GALNTL6: variants seen among roughly 807,000 people sequenced by gnomAD.
GALNTL6 encodes polypeptide N-acetylgalactosaminyltransferase-like 6.
GALNTL6 carries 46 observed loss-of-function variants against 73.7 expected under a neutral mutation model. That is an observed-to-expected ratio of 0.62 (90% CI 0.49 to 0.80). The LOEUF (loss-of-function observed/expected upper bound fraction) is 0.80. GALNTL6 is among the 30% of genes least tolerant of loss of function. The pLI is 0.00. For synonymous variants in GALNTL6, 259 were observed against 263.7 expected, an observed-to-expected ratio of 0.98 and a Z score of 0.17; for missense variants, 604 against 755.0, an observed-to-expected ratio of 0.80 and a Z score of 2.34.
chr4:172,813,765 G>T (rs751125414), intron 7 of GALNTL6, 42 bp downstream of exon 7: 2 of 1,489,820 alleles, frequency 1.3e-6, no homozygotes, highest in East Asian at 2.3e-5. Flanking sequence ...GTGAGGGCAG[G>T]TAACTCATTG....
At chr4:172,140,911 T>A (rs1399244157) in intron 2 of GALNTL6, among the ~76,000 whole-genome samples, 1 of 152,012 alleles carries the variant, frequency 6.6e-6, no homozygotes, top group Non-Finnish European at 1.5e-5. Context: ...GTATGAATAT[T>A]CTATGTCATT....
At chr4:172,828,000 G>A (rs568013787) in intron 7 of GALNTL6, among the ~76,000 whole-genome samples, 96 of 151,972 alleles carry the variant, frequency 6.3e-4, no homozygotes, top group African/African-American at 2.3e-3. Flanking sequence ...GACCAGGCAT[G>A]GTGGCTCACG....
At chr4:172,336,275 G>GTTTTTTTTTTT (rs200566896) in intron 4 of GALNTL6, among the ~76,000 whole-genome samples, 9 of 126,036 alleles carry the variant, frequency 7.1e-5, no homozygotes, top group African/African-American at 2.4e-4. Context: ...GTTTTGTTTT[G>GTTTTTTTTTTT]TTTTTTTTTT....
chr4:172,587,018 A>G (rs1030677851), intron 5 of GALNTL6, among the ~76,000 whole-genome samples: 1 of 152,202 alleles, frequency 6.6e-6, no homozygotes, highest in African/African-American at 2.4e-5. Flanking sequence ...CTACAAGGTT[A>G]TTGCTTACAA....
chr4:172,786,184 G>T (rs553556033), intron 5 of GALNTL6, among the ~76,000 whole-genome samples: 67 of 151,684 alleles, frequency 4.4e-4, no homozygotes, highest in African/African-American at 1.6e-3. Flanking sequence ...GCTGCCAGTC[G>T]CAGCAACTGA....
At chr4:172,846,570 G>A (rs76362509) in intron 7 of GALNTL6, among the ~76,000 whole-genome samples, 2,653 of 152,088 alleles carry the variant, frequency 0.017, 75 homozygotes, top group African/African-American at 0.06. Context: ...ATATGGCAAA[G>A]AAAAATGAGG....
At chr4:171,982,202 CTTTTA>C (rs1739916887) in intron 2 of GALNTL6, among the ~76,000 whole-genome samples, 1 of 152,208 alleles carries the variant, frequency 6.6e-6, no homozygotes, top group East Asian at 1.9e-4. Flanking sequence ...TTTTCTCCCA[CTTTTA>C]TTTTGGCAAA....
intron 5 of GALNTL6, among the ~76,000 whole-genome samples, chr4:172,720,476 C>A (rs966200712): frequency 6.6e-6 from 1 of 152,098 alleles, no homozygotes; most frequent in Admixed American, 6.6e-5. Flanking sequence ...TCTCCAGGTT[C>A]CCCCCTCCCA....
intron 10 of GALNTL6, among the ~76,000 whole-genome samples, chr4:173,006,167 C>A (rs1273531337): frequency 1.3e-5 from 2 of 152,130 alleles, no homozygotes; most frequent in African/African-American, 4.8e-5. Flanking sequence ...CCCCTGGGAC[C>A]CACTGGCCAT....
At chr4:172,179,483 A>G (rs56839780) in intron 2 of GALNTL6, among the ~76,000 whole-genome samples, 41,767 of 111,304 alleles carry the variant, frequency 0.38, 8,726 homozygotes, top group African/African-American at 0.66. Flanking sequence ...CATGTCCTTC[A>G]CCCACTTTTT....
chr4:172,897,343 C>T (rs1017086413), intron 8 of GALNTL6, among the ~76,000 whole-genome samples: 2 of 152,210 alleles, frequency 1.3e-5, no homozygotes, highest in Non-Finnish European at 2.9e-5. Context: ...CAGGCTCAGA[C>T]TCTCAGGCTG....
At chr4:171,826,703 A>G (rs529411652) in intron 2 of GALNTL6, among the ~76,000 whole-genome samples, 123 of 152,284 alleles carry the variant, frequency 8.1e-4, no homozygotes, top group African/African-American at 2.6e-3. Context: ...ACTCCTACGG[A>G]AAACGGTCTT....
At chr4:172,801,093 T>C (rs1319006754) in intron 5 of GALNTL6, among the ~76,000 whole-genome samples, 1 of 152,182 alleles carries the variant, frequency 6.6e-6, no homozygotes, top group Non-Finnish European at 1.5e-5. Context: ...AAGAAAATAC[T>C]GTGGAAAGGG....
At chr4:172,760,570 T>G (rs17058853) in intron 5 of GALNTL6, among the ~76,000 whole-genome samples, 1 of 151,982 alleles carries the variant, frequency 6.6e-6, no homozygotes, top group Non-Finnish European at 1.5e-5. Flanking sequence ...CTTAAGAACA[T>G]TGATGCCCTG....
In GALNTL6 at chr4:172,379,653, A is replaced by AAAAATAAAATAAAAT. The variant is rs76730414; in HGVS notation, c.553+30983_553+30997dup. ...AAAATAAAACTACCTCCCCCCTGAA[A>AAAAATAAAATAAAAT]AAAATAAAATAAAATAAAATAAAAT... On this transcript the variant is annotated intron_variant, in intron 5 of 12. Coordinates refer to ENST00000506823, the MANE Select transcript of GALNTL6 (RefSeq NM_001034845.3). 7.1e-3 allele frequency among the ~76,000 whole-genome samples: 1,067 copies of AAAAATAAAATAAAAT among 150,818 alleles called. 8 individuals are homozygous for AAAAATAAAATAAAAT. The highest frequency in any genetic ancestry group is 0.024 in the African/African-American group (1,004 of 41,204).
chr4:172,850,623 T>C (rs1039420593), intron 7 of GALNTL6, among the ~76,000 whole-genome samples: 1 of 152,114 alleles, frequency 6.6e-6, no homozygotes, highest in African/African-American at 2.4e-5. Flanking sequence ...TACCTGGAGA[T>C]AGCACCAGAT....
intron 11 of GALNTL6, among the ~76,000 whole-genome samples, chr4:173,016,718 C>T (rs1169456177): frequency 2.0e-5 from 3 of 152,136 alleles, no homozygotes; most frequent in African/African-American, 7.2e-5. Flanking sequence ...AGACTTTGGA[C>T]TTAGACTTTT....
rs145121039 is a variant in GALNTL6 at position 172,962,837 on chromosome 4, C to T, written c.1371+10579C>T. Among the ~76,000 whole-genome samples, 792 of 151,898 alleles carry T rather than the reference C, an allele frequency of 5.2e-3. 10 individuals are homozygous for T. Among genetic ancestry groups the T allele is most frequent in the African/African-American group, 0.018 (742 of 41,406 alleles). On this transcript the variant is annotated intron_variant, in intron 10 of 12. Coordinates refer to ENST00000506823, the MANE Select transcript of GALNTL6 (RefSeq NM_001034845.3). ...TACAGACCATAAACAGCCTATAAACCGCCACTCATTTCCCTGACAAATTCA... is the reference window on the plus strand; with the variant it reads ...TACAGACCATAAACAGCCTATAAACTGCCACTCATTTCCCTGACAAATTCA...
At chr4:172,657,365 C>G (rs947627208) in intron 5 of GALNTL6, among the ~76,000 whole-genome samples, 2 of 152,136 alleles carry the variant, frequency 1.3e-5, no homozygotes, top group Admixed American at 6.5e-5. Flanking sequence ...TTACGCAATA[C>G]AGAAGAAATT....
Sources: allele counts gnomAD v4.1 joint callset (sites outside exome capture counted in the v4.1 genomes callset), GRCh38; gene constraint gnomAD v4.1.1; transcripts MANE v1.5; gene names NCBI Gene and HGNC (gene_info 2026-07-23, HGNC 2026-07-21).